The following DAB1 variants were observed in gnomAD, a reference collection of about 807,000 sequenced individuals.
DAB1 encodes disabled homolog 1.
Under a neutral mutation model 64.6 loss-of-function variants are expected in DAB1, and 15 were observed. The observed-to-expected ratio is 0.23, with a 90% CI of 0.16 to 0.36. The LOEUF is 0.36. Among genes scored for constraint, DAB1 ranks in the 10% least tolerant of loss-of-function variants. The pLI, the probability that DAB1 is intolerant of heterozygous loss-of-function variation, is 1.00. For synonymous variants in DAB1, 235 were observed against 251.9 expected, an observed-to-expected ratio of 0.93 and a Z score of 0.64; for missense variants, 596 against 706.7, an observed-to-expected ratio of 0.84 and a Z score of 1.78.
At chr1:58,099,622 G>T (rs1343618024) in intron 5 of DAB1, among the ~76,000 whole-genome samples, 1 of 152,180 alleles carries the variant, frequency 6.6e-6, no homozygotes, top group East Asian at 1.9e-4. Flanking sequence ...ACCAGCCATA[G>T]ACCCAGGGAT....
intron 2 of DAB1, among the ~76,000 whole-genome samples, chr1:57,201,602 C>T (rs1327139170): frequency 4.6e-5 from 7 of 152,204 alleles, no homozygotes; most frequent in Middle Eastern, 6.8e-3. Flanking sequence ...CAAAAACACA[C>T]GCCAAGATTG....
intron 4 of DAB1, among the ~76,000 whole-genome samples, chr1:58,198,985 T>C (rs1406832448): frequency 6.6e-6 from 1 of 152,090 alleles, no homozygotes; most frequent in African/African-American, 2.4e-5. Context: ...CGCATGCCTG[T>C]AGTCACAGCT....
chr1:57,627,573 A>T (rs1235639678), intron 7 of DAB1, among the ~76,000 whole-genome samples: 1 of 152,210 alleles, frequency 6.6e-6, no homozygotes, highest in Non-Finnish European at 1.5e-5. Flanking sequence ...GTAATGGAAG[A>T]AGCAATTTTG....
rs776583955 is a variant in DAB1, at chr1:58,536,788, ATATCAC to A, written n.33-9459_33-9454del. ...AAAGTTCTGAAAATCATTCCAGCAC[ATATCAC>A]TAAAGCTCAAATGCATACACTAGAA... On this transcript the variant is annotated intron_variant and non_coding_transcript_variant, in intron 1 of 20. Coordinates refer to the DAB1 transcript ENST00000485760. 8.4e-6 allele frequency: 7 copies of A among 834,048 alleles called. No homozygotes were observed. The South Asian group carries it at 1.0e-4, about 12-fold the overall frequency. 51.7% of individuals were successfully genotyped at this position (834,048 alleles called of 1,614,324 possible). A position where few individuals can be genotyped will look rare whatever the true frequency, so the allele number is the denominator to read the frequency against.
chr1:58,434,859 T>A (rs1644924264), intron 3 of DAB1, among the ~76,000 whole-genome samples: 1 of 152,138 alleles, frequency 6.6e-6, no homozygotes, highest in African/African-American at 2.4e-5. Flanking sequence ...AATTTCACAG[T>A]CTCCACAGTC....
chr1:57,118,210 T>A (rs944833674), intron 4 of DAB1, among the ~76,000 whole-genome samples: 2 of 152,154 alleles, frequency 1.3e-5, no homozygotes, highest in African/African-American at 4.8e-5. Flanking sequence ...CCATGGAAGG[T>A]GTCAACAATG....
intron 3 of DAB1, among the ~76,000 whole-genome samples, chr1:58,387,548 T>A (rs966448036): frequency 5.3e-5 from 8 of 152,130 alleles, no homozygotes; most frequent in African/African-American, 1.9e-4. Context: ...CGAAGATGTC[T>A]TATTATGTAG....
At chr1:57,224,969 T>C (rs1341131536) in intron 2 of DAB1, among the ~76,000 whole-genome samples, 1 of 152,186 alleles carries the variant, frequency 6.6e-6, no homozygotes, top group East Asian at 1.9e-4. Context: ...ATCTCTTGTA[T>C]TAAAAAAACT....
chr1:57,273,644 C>T (rs1401244772), intron 2 of DAB1, among the ~76,000 whole-genome samples: 2 of 129,200 alleles, frequency 1.5e-5, no homozygotes, highest in African/African-American at 5.8e-5. Flanking sequence ...CCCTCCCTCC[C>T]TCCCTGTCTT....
intron 5 of DAB1, among the ~76,000 whole-genome samples, chr1:58,066,161 C>T (rs1044689888): frequency 6.6e-6 from 1 of 152,194 alleles, no homozygotes; most frequent in Admixed American, 6.5e-5. Context: ...AAGCAGCCTA[C>T]ACAGGGGGAC....
rs57734451 is a variant in DAB1, at chr1:57,897,332, A to G, written n.388-13170T>C. Among the ~76,000 whole-genome samples, 427 of 152,332 alleles carry G rather than the reference A, an allele frequency of 2.8e-3. 1 individual carries two copies. Among genetic ancestry groups the G allele is most frequent in the African/African-American group, 9.9e-3 (412 of 41,580 alleles). ...TTCTGATGAACAGTTGTGGCACAGG[A>G]ACAAGAGAACGAGACAGGCAGAGTG... On this transcript the variant is annotated intron_variant and non_coding_transcript_variant, in intron 5 of 20. Transcript: ENST00000485760.
At chr1:57,888,493 C>G (rs1644258902), upstream of DAB1, among the ~76,000 whole-genome samples, 1 of 152,126 alleles carries the variant, frequency 6.6e-6, no homozygotes, top group Non-Finnish European at 1.5e-5. Context: ...TTGCTAGTGA[C>G]TTCAGTTTTA....
intron 5 of DAB1, among the ~76,000 whole-genome samples, chr1:57,892,757 G>A (rs888224778): frequency 2.6e-5 from 4 of 152,166 alleles, no homozygotes; most frequent in African/African-American, 9.7e-5. Flanking sequence ...TGAATTCCTT[G>A]AGACTGAGAC....
At chr1:57,140,049 C>T (rs1437978600) in intron 3 of DAB1, among the ~76,000 whole-genome samples, 1 of 152,128 alleles carries the variant, frequency 6.6e-6, no homozygotes, top group African/African-American at 2.4e-5. Flanking sequence ...CAAGACAGTG[C>T]CTTCAGGACA....
intron 6 of DAB1, among the ~76,000 whole-genome samples, chr1:57,754,682 T>G (rs935491312): frequency 1.3e-5 from 2 of 149,862 alleles, no homozygotes; most frequent in African/African-American, 4.9e-5. Flanking sequence ...AGAGGGAGAT[T>G]CTGTCTAAAA....
At chr1:57,058,390 A>G (rs144316107) in intron 9 of DAB1, among the ~76,000 whole-genome samples, 67 of 152,346 alleles carry the variant, frequency 4.4e-4, no homozygotes, top group African/African-American at 1.5e-3. Context: ...CTTTGAGTCT[A>G]TAGGCATTCA....
chr1:57,273,450 A>T (rs747576793), intron 2 of DAB1, among the ~76,000 whole-genome samples: 2 of 152,216 alleles, frequency 1.3e-5, no homozygotes, highest in East Asian at 1.9e-4. Flanking sequence ...CTTTGGCTTA[A>T]GTACTCCAAT....
chr1:57,711,027 A>G lies in DAB1; in HGVS notation n.552-61362T>C, dbSNP rs192082062. The stretch of plus-strand genomic sequence containing the variant: ...TCTCAAAAGGCCAATCTTAGATTCT[A>G]CAATAGTGATGTTATCTGCAGGAGT... On this transcript the variant is annotated intron_variant and non_coding_transcript_variant, in intron 6 of 20. Transcript: ENST00000485760. 9.2e-5 allele frequency among the ~76,000 whole-genome samples: 14 copies of G among 152,324 alleles called. No individual in the cohort carries two copies. In the East Asian group the frequency reaches 1.5e-3, roughly 17 times the overall value.
rs747055826 is a variant in DAB1 at position 57,304,480 on chromosome 1, C to T, written c.-136-13314G>A. Among the ~76,000 whole-genome samples, 7 of 152,298 alleles carry T rather than the reference C, an allele frequency of 4.6e-5. No homozygotes were observed. In the South Asian group the frequency reaches 6.2e-4, roughly 14 times the overall value. ...AAAAGCCATGAGCATCACCGTCTCA[C>T]GGACTTGCCCTGGGAATTCAAACTG... On this transcript the variant is annotated intron_variant, in intron 1 of 14. Coordinates refer to ENST00000371236, the MANE Select transcript of DAB1 (RefSeq NM_001365792.1).
Sources: gnomAD v4.1 joint callset for allele counts (sites outside exome capture counted in the v4.1 genomes callset) on GRCh38, gnomAD v4.1.1 for gene constraint, MANE v1.5 for transcripts, NCBI Gene and HGNC (gene_info 2026-07-23, HGNC 2026-07-21) for gene names.